Variants in NUDCD3 observed in about 807,000 individuals in gnomAD.
NUDCD3 encodes the protein NudC domain containing 3.
In NUDCD3, 13 loss-of-function variants were observed where a neutral mutation model predicts 39.7. The ratio of observed to expected loss-of-function variants is 0.33; its 90% confidence interval spans 0.21 to 0.52. NUDCD3 has a LOEUF of 0.52. Ranked by LOEUF, NUDCD3 falls within the 20% of genes least tolerant of loss-of-function variation. The pLI, the probability that NUDCD3 is intolerant of heterozygous loss-of-function variation, is 0.96. For missense variants in NUDCD3, 453 were observed against 458.1 expected (o/e 0.99, Z 0.10); for synonymous variants, 175 against 172.4 (o/e 1.02, Z -0.12).
intron 3 of NUDCD3, among the ~76,000 whole-genome samples, chr7:44,412,863 C>T (rs1798954066): frequency 6.9e-6 from 1 of 144,774 alleles, no homozygotes; most frequent in South Asian, 2.2e-4. Context: ...GGGGGCGGAG[C>T]TTGCAGTGAG....
Position 44,434,660 on chromosome 7 carries a change from G to A in NUDCD3, c.510-6957C>T, listed in dbSNP as rs558355426. Among the ~76,000 whole-genome samples, 10 of 152,238 alleles carry A rather than the reference G, an allele frequency of 6.6e-5. No individual in the cohort carries two copies. In the South Asian group the frequency reaches 1.0e-3, roughly 16 times the overall value. On this transcript the variant is annotated intron_variant, in intron 2 of 5. Transcript: ENST00000355451. Reference sequence around the variant, plus strand: ...GCAGCAAGCAGCCACCCCAGGCCACGGGCTCTGGTCTCAAGTATGTCCTAC... The same window carrying A: ...GCAGCAAGCAGCCACCCCAGGCCACAGGCTCTGGTCTCAAGTATGTCCTAC...
chr7:44,403,987 C>A (rs974038949), intron 4 of NUDCD3, among the ~76,000 whole-genome samples: 2 of 152,158 alleles, frequency 1.3e-5, no homozygotes, highest in Admixed American at 1.3e-4. Flanking sequence ...AATTTGTGAG[C>A]GAGTCTGCTA....
intron 2 of NUDCD3, chr7:44,484,585 A>C (rs1485937910): frequency 5.6e-6 from 1 of 177,478 alleles, no homozygotes; most frequent in Admixed American, 5.5e-5. Flanking sequence ...TCAGGTGTCC[A>C]TTATACCTCA....
intron 4 of NUDCD3, chr7:44,402,834 C>A (rs983244776): frequency 1.9e-5 from 7 of 371,230 alleles, no homozygotes; most frequent in Admixed American, 1.5e-4. Flanking sequence ...GCGGCCAGGG[C>A]TGCACCTTCA....
chr7:44,439,574 G>A (rs1799536363), intron 2 of NUDCD3, among the ~76,000 whole-genome samples: 2 of 150,634 alleles, frequency 1.3e-5, no homozygotes, highest in Admixed American at 1.3e-4. Context: ...ATCCTGTAGT[G>A]CCAAAAAGTA....
chr7:44,422,470 A>C (rs895209749), intron 3 of NUDCD3, among the ~76,000 whole-genome samples: 49 of 152,226 alleles, frequency 3.2e-4, no homozygotes, highest in Non-Finnish European at 6.0e-4. Context: ...CACTGATCCC[A>C]CAGAAATAAA....
intron 2 of NUDCD3, among the ~76,000 whole-genome samples, chr7:44,476,809 G>A (rs888317041): frequency 6.6e-6 from 1 of 152,158 alleles, no homozygotes; most frequent in Non-Finnish European, 1.5e-5. Context: ...AGCCATAAAG[G>A]AATAACGTAA....
chr7:44,483,347 T>A (rs749156074), intron 2 of NUDCD3, among the ~76,000 whole-genome samples: 1 of 152,170 alleles, frequency 6.6e-6, no homozygotes, highest in South Asian at 2.1e-4. Context: ...AGTGTCAACC[T>A]GCAATTCTAT....
intron 2 of NUDCD3, among the ~76,000 whole-genome samples, chr7:44,438,687 C>T (rs1193393956): frequency 6.7e-6 from 1 of 148,918 alleles, no homozygotes; most frequent in Non-Finnish European, 1.5e-5. Context: ...GACTTCTATA[C>T]ACAGCTGGAG....
In NUDCD3 at chr7:44,380,840, A is replaced by G. The variant is rs1411633805; in HGVS notation, c.*5171T>C. On this transcript the variant is annotated 3_prime_UTR_variant, in exon 6 of 6. Transcript: ENST00000355451. ...TCCCTGCTAGAGGGGCCTCCTCCAA[A>G]CCCCACAGTGCCCCAACAACACTTC... is the stretch of plus-strand genomic sequence containing the variant. 1 of 152,088 alleles carries G rather than the reference A, an allele frequency of 6.6e-6. No individual in the cohort carries two copies. The highest frequency in any genetic ancestry group is 1.9e-4 in the East Asian group (1 of 5,188). The allele number at this position is 152,088 out of a possible 1,614,324, so 9.4% of individuals were successfully genotyped here. A position where few individuals can be genotyped will look rare whatever the true frequency, so the allele number is the denominator to read the frequency against.
At chr7:44,395,000 T>C (rs1430766604) in intron 4 of NUDCD3, among the ~76,000 whole-genome samples, 4 of 152,172 alleles carry the variant, frequency 2.6e-5, no homozygotes, top group African/African-American at 9.7e-5. Flanking sequence ...CAAGTGTACT[T>C]TGGACACAGA....
chr7:44,472,477 C>T (rs1800274558), intron 2 of NUDCD3, among the ~76,000 whole-genome samples: 1 of 152,124 alleles, frequency 6.6e-6, no homozygotes, highest in Non-Finnish European at 1.5e-5. Flanking sequence ...GTCAATTCTC[C>T]CTAATCCAAA....
At chr7:44,391,170 AAAAC>A (rs1230946051) in intron 5 of NUDCD3, among the ~76,000 whole-genome samples, 4 of 152,280 alleles carry the variant, frequency 2.6e-5, no homozygotes, top group South Asian at 2.1e-4. Context: ...ACAAAAACAA[AAAAC>A]AAACAAACTG....
intron 2 of NUDCD3, chr7:44,468,170 A>C (rs370684791): frequency 5.0e-6 from 8 of 1,603,704 alleles, no homozygotes; most frequent in Non-Finnish European, 6.8e-6. Context: ...GCTGATGTGC[A>C]ACAAATCTTA....
chr7:44,469,115 CAAAAAAAAAAAA>C (rs756247647), intron 2 of NUDCD3, among the ~76,000 whole-genome samples: 15 of 32,864 alleles, frequency 4.6e-4, no homozygotes, highest in African/African-American at 1.5e-3. Context: ...ACAAACAAAC[CAAAAAAAAAAAA>C]AAAAAAAAAA....
At chr7:44,391,886 A>G (rs1798523831) in intron 5 of NUDCD3, among the ~76,000 whole-genome samples, 1 of 152,154 alleles carries the variant, frequency 6.6e-6, no homozygotes, top group Non-Finnish European at 1.5e-5. Flanking sequence ...TCCAACATCC[A>G]GAAACTGGCT....
Position 44,427,576 on chromosome 7 carries a change from T to C in NUDCD3, c.637A>G (p.Lys213Glu). The stretch of plus-strand genomic sequence containing the variant: ...CTACCCGCCAAGGCCATTACCTGCT[T>C]TCCCTTCACCACGTGCTTGGGTACT... ...VPVPKHVVKG[K>E]QVSVALSSSS... The change falls in exon 3 of 6, where the codon AAG becomes GAG. Residue 213 changes from lysine to glutamate, a missense_variant. Coordinates refer to ENST00000355451, the MANE Select transcript of NUDCD3 (RefSeq NM_015332.4). The C allele has an allele frequency of 1.2e-6, 2 of 1,612,468 alleles. No individual in the cohort carries two copies. The highest frequency in any genetic ancestry group is 1.7e-6 in the Non-Finnish European group (2 of 1,179,244).
At chr7:44,470,040 A>G (rs977478101) in intron 2 of NUDCD3, among the ~76,000 whole-genome samples, 38 of 152,248 alleles carry the variant, frequency 2.5e-4, no homozygotes, top group African/African-American at 8.9e-4. Flanking sequence ...CAGATGAGCT[A>G]ATGGTAATCC....
chr7:44,405,099 A>C (rs1798793847), intron 3 of NUDCD3, among the ~76,000 whole-genome samples: 1 of 152,198 alleles, frequency 6.6e-6, no homozygotes, highest in Admixed American at 6.5e-5. Context: ...TGCCTGGTTG[A>C]CTATAGCCTG....
Sources: allele counts gnomAD v4.1 joint callset (sites outside exome capture counted in the v4.1 genomes callset), GRCh38; gene constraint gnomAD v4.1.1; transcripts MANE v1.5; gene names NCBI Gene and HGNC (gene_info 2026-07-23, HGNC 2026-07-21).